DGKB: variants seen among roughly 807,000 people sequenced by gnomAD.
The protein encoded by DGKB is diacylglycerol kinase beta, also known as 90 kDa diacylglycerol kinase.
Under a neutral mutation model 114.3 loss-of-function variants are expected in DGKB, and 67 were observed. That is an observed-to-expected ratio of 0.59 (90% confidence interval 0.48 to 0.72). The LOEUF (loss-of-function observed/expected upper bound fraction) is 0.72. Ranked by LOEUF, DGKB falls within the 30% of genes least tolerant of loss-of-function variation. The probability of loss-of-function intolerance (pLI) is 0.00; values close to 1 mark genes in which losing one functional copy is unlikely to be tolerated. For synonymous variants in DGKB, 398 were observed against 323.1 expected, an observed-to-expected ratio of 1.23 and a Z score of -2.49; for missense variants, 907 against 975.2, an observed-to-expected ratio of 0.93 and a Z score of 0.93.
intron 20 of DGKB, among the ~76,000 whole-genome samples, chr7:14,568,158 C>T (rs1211708313): frequency 6.6e-6 from 1 of 152,114 alleles, no homozygotes; most frequent in Non-Finnish European, 1.5e-5. Flanking sequence ...ACTATACAGA[C>T]TTCTATCATT....
At chr7:14,419,933 T>G (rs950036978) in intron 21 of DGKB, among the ~76,000 whole-genome samples, 3 of 152,046 alleles carry the variant, frequency 2.0e-5, no homozygotes, top group Non-Finnish European at 4.4e-5. Context: ...CTGGCTGGTA[T>G]TTGGGACATG....
At chr7:14,294,841 A>G (rs1802287592) in intron 23 of DGKB, among the ~76,000 whole-genome samples, 1 of 152,204 alleles carries the variant, frequency 6.6e-6, no homozygotes, top group Non-Finnish European at 1.5e-5. Context: ...AGATAATCAG[A>G]TAAGTGACCA....
chr7:14,581,806 TG>T (rs1216646657), intron 18 of DGKB, among the ~76,000 whole-genome samples: 3 of 152,194 alleles, frequency 2.0e-5, no homozygotes, highest in Non-Finnish European at 4.4e-5. Context: ...GAATTCCTGC[TG>T]TTTTTCCTCT....
intron 23 of DGKB, among the ~76,000 whole-genome samples, chr7:14,268,237 C>T (rs549007679): frequency 6.6e-6 from 1 of 152,126 alleles, no homozygotes; most frequent in Non-Finnish European, 1.5e-5. Context: ...ACACCACACA[C>T]ACACACTGCC....
intron 23 of DGKB, among the ~76,000 whole-genome samples, chr7:14,236,268 A>C (rs1220393869): frequency 6.6e-6 from 1 of 151,970 alleles, no homozygotes; most frequent in African/African-American, 2.4e-5. Context: ...CATGAAAGAC[A>C]GCTTATCACT....
chr7:14,430,594 G>A (rs759338601), intron 21 of DGKB, among the ~76,000 whole-genome samples: 4 of 152,088 alleles, frequency 2.6e-5, no homozygotes, highest in Non-Finnish European at 4.4e-5. Flanking sequence ...CATTGATTCC[G>A]TAAATGTTTC....
Position 14,895,064 on chromosome 7 carries a change from G to T in DGKB, c.-188+7528C>A, listed in dbSNP as rs375985981. Among the ~76,000 whole-genome samples the T allele has an allele frequency of 7.3e-5, 11 of 151,526 alleles. 1 individual carries two copies. Among genetic ancestry groups the T allele is most frequent in the Admixed American group, 3.3e-4 (5 of 15,136 alleles). On this transcript the variant is annotated intron_variant, in intron 1 of 25. Transcript: ENST00000402815. Reference sequence around the variant, plus strand: ...TTTTTCTATGTGGGACAAGTGTGAGGAAGTTACAGGTTGTTTATGTGCAGC... The same window carrying T: ...TTTTTCTATGTGGGACAAGTGTGAGTAAGTTACAGGTTGTTTATGTGCAGC...
At chr7:14,617,216 GA>G (rs1453168622) in intron 15 of DGKB, among the ~76,000 whole-genome samples, 1 of 151,466 alleles carries the variant, frequency 6.6e-6, no homozygotes, top group Non-Finnish European at 1.5e-5. Context: ...CTACCTACTT[GA>G]TATTTTTATT....
At chr7:14,295,968 A>T (rs965084551) in intron 23 of DGKB, among the ~76,000 whole-genome samples, 6 of 150,560 alleles carry the variant, frequency 4.0e-5, no homozygotes, top group African/African-American at 1.5e-4. Context: ...TTGGTTTTCT[A>T]TTCCTGTGTT....
chr7:14,453,070 T>G (rs567426066), intron 21 of DGKB, among the ~76,000 whole-genome samples: 70 of 152,294 alleles, frequency 4.6e-4, no homozygotes, highest in Middle Eastern at 3.4e-3. Flanking sequence ...ATATAGTGAT[T>G]ACTACGCTCC....
chr7:14,396,452 G>C (rs1166541341), intron 21 of DGKB, among the ~76,000 whole-genome samples: 1 of 152,060 alleles, frequency 6.6e-6, no homozygotes, highest in African/African-American at 2.4e-5. Context: ...ATTAATTTTA[G>C]ATTCATATCA....
chr7:14,917,753 C>A (rs1784310505), intron 1 of DGKB, among the ~76,000 whole-genome samples: 1 of 151,900 alleles, frequency 6.6e-6, no homozygotes, highest in Non-Finnish European at 1.5e-5. Context: ...AGAAAGACCA[C>A]TTCCCAACTC....
chr7:14,712,606 G>A (rs796173070), intron 6 of DGKB, among the ~76,000 whole-genome samples: 17 of 152,162 alleles, frequency 1.1e-4, no homozygotes, highest in African/African-American at 4.1e-4. Flanking sequence ...AGGAGGCAGA[G>A]GTTGCAGGGA....
At chr7:14,513,085 T>C (rs1788228711) in intron 20 of DGKB, among the ~76,000 whole-genome samples, 2 of 152,100 alleles carry the variant, frequency 1.3e-5, no homozygotes, top group Non-Finnish European at 2.9e-5. Context: ...ATTTCTGTAA[T>C]GAATACGTGA....
At chr7:14,583,785 G>T (rs545515683) in intron 17 of DGKB, among the ~76,000 whole-genome samples, 1 of 152,256 alleles carries the variant, frequency 6.6e-6, no homozygotes, top group East Asian at 1.9e-4. Flanking sequence ...TGCTGTTACT[G>T]CATGCAGGGT....
At chr7:14,474,309 C>T (rs1781850819) in intron 21 of DGKB, among the ~76,000 whole-genome samples, 1 of 152,168 alleles carries the variant, frequency 6.6e-6, no homozygotes, top group Non-Finnish European at 1.5e-5. Flanking sequence ...TGCTGCCATC[C>T]ACATAAGATG....
intron 21 of DGKB, among the ~76,000 whole-genome samples, chr7:14,350,134 C>T (rs1477748250): frequency 2.0e-5 from 3 of 152,104 alleles, no homozygotes; most frequent in Non-Finnish European, 4.4e-5. Context: ...AATTGGCTCC[C>T]ATTTACCTGG....
chr7:14,690,392 C>T (rs1822619549), intron 9 of DGKB, among the ~76,000 whole-genome samples: 1 of 152,166 alleles, frequency 6.6e-6, no homozygotes, highest in African/African-American at 2.4e-5. Flanking sequence ...TGCTTTCTGT[C>T]TATTAGTCCT....
At chr7:14,793,635 C>T (rs1337030749) in intron 2 of DGKB, among the ~76,000 whole-genome samples, 1 of 152,100 alleles carries the variant, frequency 6.6e-6, no homozygotes, top group African/African-American at 2.4e-5. Context: ...TGTACATAAA[C>T]CTCTCTGTGT....
Sources: allele counts gnomAD v4.1 joint callset (sites outside exome capture counted in the v4.1 genomes callset), GRCh38; gene constraint gnomAD v4.1.1; transcripts MANE v1.5; gene names NCBI Gene and HGNC (gene_info 2026-07-23, HGNC 2026-07-21).